Variants in RBFOX1 observed in about 807,000 individuals in gnomAD.
RBFOX1 encodes RNA binding fox-1 homolog 1.
A neutral mutation model predicts 57.7 loss-of-function variants in RBFOX1; 8 were observed. That is an observed-to-expected ratio of 0.14 (90% CI 0.08 to 0.25). The LOEUF is 0.25. Among genes scored for constraint, RBFOX1 ranks in the 10% least tolerant of loss-of-function variants. The pLI is 1.00. For missense variants in RBFOX1, 611 were observed against 548.5 expected, an observed-to-expected ratio of 1.11 and a Z score of -1.14; for synonymous variants, 326 against 222.4, an observed-to-expected ratio of 1.47 and a Z score of -4.15.
chr16:6,212,286 G>T (rs60072633), intron 1 of RBFOX1, among the ~76,000 whole-genome samples: 1 of 152,036 alleles, frequency 6.6e-6, no homozygotes, highest in Non-Finnish European at 1.5e-5. Flanking sequence ...TTATGTAAAA[G>T]AATTGTATAT....
chr16:7,043,403 A>C (rs1260458473), intron 3 of RBFOX1, among the ~76,000 whole-genome samples: 1 of 152,196 alleles, frequency 6.6e-6, no homozygotes, highest in Non-Finnish European at 1.5e-5. Flanking sequence ...CTAGGCAGTT[A>C]GTACCCTGAG....
chr16:5,578,847 T>C lies in RBFOX1; in HGVS notation c.259-20055T>C, dbSNP rs1444938131. On this transcript the variant is annotated intron_variant, in intron 2 of 2. Coordinates refer to the RBFOX1 transcript ENST00000585867. ...CCTCCACACACACACACACACCCTTTTTTTTTTTTTTTTTTTTTTTGAGAG... is the reference window on the plus strand; with the variant it reads ...CCTCCACACACACACACACACCCTTCTTTTTTTTTTTTTTTTTTTTGAGAG... Among the ~76,000 whole-genome samples the C allele has an allele frequency of 3.3e-3, 226 of 69,510 alleles. 1 individual carries two copies. Among genetic ancestry groups the C allele is most frequent in the African/African-American group, 0.012 (205 of 16,934 alleles). 45.6% of individuals were successfully genotyped at this position (69,510 alleles called of 152,430 possible).
chr16:7,217,936 G>T (rs1466719253), intron 4 of RBFOX1, among the ~76,000 whole-genome samples: 1 of 151,292 alleles, frequency 6.6e-6, no homozygotes, highest in Non-Finnish European at 1.5e-5. Flanking sequence ...GTGTGTGCGT[G>T]CATGTGTGTG....
intron 3 of RBFOX1, among the ~76,000 whole-genome samples, chr16:7,015,013 C>T (rs981897912): frequency 3.9e-5 from 6 of 152,132 alleles, no homozygotes; most frequent in African/African-American, 1.4e-4. Context: ...TGTGAGCCAC[C>T]GTGCTTAGCT....
At chr16:7,444,462 GA>G (rs1267583810) in intron 4 of RBFOX1, among the ~76,000 whole-genome samples, 1 of 152,144 alleles carries the variant, frequency 6.6e-6, no homozygotes, top group African/African-American at 2.4e-5. Context: ...GGGGAGAGCA[GA>G]AAGCAAAGGC....
intron 3 of RBFOX1, among the ~76,000 whole-genome samples, chr16:6,656,740 A>T (rs1465214080): frequency 1.3e-5 from 2 of 152,158 alleles, no homozygotes. Flanking sequence ...TGACTGATAG[A>T]TAAATTTCTA....
chr16:7,220,531 C>A (rs1418549915), intron 4 of RBFOX1, among the ~76,000 whole-genome samples: 2 of 152,158 alleles, frequency 1.3e-5, no homozygotes, highest in Non-Finnish European at 2.9e-5. Context: ...GCCTTATGTG[C>A]CCACTTTGGA....
intron 4 of RBFOX1, among the ~76,000 whole-genome samples, chr16:7,311,338 C>T (rs759633034): frequency 6.6e-6 from 1 of 152,090 alleles, no homozygotes; most frequent in Non-Finnish European, 1.5e-5. Flanking sequence ...AGTGTGTGTT[C>T]CCAGGGATGC....
In RBFOX1 at chr16:6,914,320, T is replaced by C. The variant is rs1045658548; in HGVS notation, c.-15-137737T>C. Among the ~76,000 whole-genome samples, 6 of 152,302 alleles carry C rather than the reference T, an allele frequency of 3.9e-5. No individual in the cohort carries two copies. In the South Asian group the frequency reaches 6.2e-4, roughly 16 times the overall value. On this transcript the variant is annotated intron_variant, in intron 3 of 15. Coordinates refer to ENST00000550418, the MANE Select transcript of RBFOX1 (RefSeq NM_018723.4). ...CGGGCTAGGAGGGACCTTAGTGATA[T>C]ATCTAGTCCGGGGTGTCTGGGCTTA...
chr16:5,275,285 C>A (rs1468225596), intron 1 of RBFOX1, among the ~76,000 whole-genome samples: 2 of 152,100 alleles, frequency 1.3e-5, no homozygotes, highest in Admixed American at 1.3e-4. Context: ...AAACATTGAT[C>A]ATTTCTTTGT....
chr16:5,672,754 T>A (rs1239605348), intron 3 of RBFOX1, among the ~76,000 whole-genome samples: 1 of 152,130 alleles, frequency 6.6e-6, no homozygotes, highest in African/African-American at 2.4e-5. Flanking sequence ...TGCCTGTAAT[T>A]TGTGTGGCTC....
At chr16:5,790,038 G>T (rs1393537071) in intron 3 of RBFOX1, among the ~76,000 whole-genome samples, 2 of 152,178 alleles carry the variant, frequency 1.3e-5, no homozygotes, top group African/African-American at 4.8e-5. Flanking sequence ...TGTGGGTGTG[G>T]AGCTGGCACC....
chr16:5,997,298 C>T (rs1049575189), intron 4 of RBFOX1, among the ~76,000 whole-genome samples: 8 of 152,244 alleles, frequency 5.3e-5, no homozygotes, highest in African/African-American at 1.7e-4. Flanking sequence ...AGAAGGTAAA[C>T]AGCCCAGTGT....
chr16:5,649,880 G>A (rs1010734953), intron 3 of RBFOX1, among the ~76,000 whole-genome samples: 1 of 152,184 alleles, frequency 6.6e-6, no homozygotes, highest in South Asian at 2.1e-4. Flanking sequence ...CCTTCACACT[G>A]TGCAGATTAT....
chr16:6,287,250 A>G (rs1269207415), intron 1 of RBFOX1, among the ~76,000 whole-genome samples: 3 of 152,188 alleles, frequency 2.0e-5, no homozygotes, highest in African/African-American at 7.2e-5. Flanking sequence ...GAACACAGTG[A>G]CTAATGACTA....
chr16:5,850,180 G>A (rs1249827981), intron 3 of RBFOX1, among the ~76,000 whole-genome samples: 3 of 152,270 alleles, frequency 2.0e-5, no homozygotes, highest in African/African-American at 7.2e-5. Context: ...GATGTTATCC[G>A]TTTTATCCAG....
chr16:6,948,108 GAGA>G (rs1410831458), intron 3 of RBFOX1, among the ~76,000 whole-genome samples: 1 of 152,020 alleles, frequency 6.6e-6, no homozygotes, highest in Non-Finnish European at 1.5e-5. Context: ...TCTGCGGTTT[GAGA>G]AGGAGTAGAA....
chr16:6,320,368 G>A (rs1316272645), intron 2 of RBFOX1, among the ~76,000 whole-genome samples: 2 of 152,088 alleles, frequency 1.3e-5, no homozygotes, highest in African/African-American at 2.4e-5. Flanking sequence ...TAAGTATTGG[G>A]TAGAGAGGGC....
intron 1 of RBFOX1, among the ~76,000 whole-genome samples, chr16:5,291,382 C>A (rs1489063689): frequency 6.6e-6 from 1 of 151,138 alleles, no homozygotes; most frequent in Non-Finnish European, 1.5e-5. Context: ...CCTGCCTCAG[C>A]CTCCCGAGTA....
Sources: gnomAD v4.1 joint callset for allele counts (sites outside exome capture counted in the v4.1 genomes callset) on GRCh38, gnomAD v4.1.1 for gene constraint, MANE v1.5 for transcripts, NCBI Gene and HGNC (gene_info 2026-07-23, HGNC 2026-07-21) for gene names.